NAPEPLD: variants seen among roughly 807,000 people sequenced by gnomAD.
NAPEPLD encodes N-acyl-phosphatidylethanolamine-hydrolyzing phospholipase D.
A neutral mutation model predicts 38.1 loss-of-function variants in NAPEPLD; 23 were observed. The observed-to-expected ratio is 0.60, with a 90% CI of 0.43 to 0.86. The LOEUF (loss-of-function observed/expected upper bound fraction) is 0.86, where lower values mean the gene tolerates loss of function less well. NAPEPLD is among the 40% of genes least tolerant of loss of function. The probability of loss-of-function intolerance (pLI) is 0.00; values close to 1 mark genes in which losing one functional copy is unlikely to be tolerated. For synonymous variants in NAPEPLD, 147 were observed against 162.0 expected (o/e 0.91, Z 0.71); for missense variants, 411 against 476.8 (o/e 0.86, Z 1.28).
chr7:103,125,276 G>A (rs1807524575), intron 2 of NAPEPLD, among the ~76,000 whole-genome samples: 1 of 152,126 alleles, frequency 6.6e-6, no homozygotes, highest in Non-Finnish European at 1.5e-5. Context: ...AATTATTGAT[G>A]CCAATGTTTG....
At chr7:103,141,379 A>G in intron 1 of NAPEPLD, 1 of 801,746 alleles carries the variant, frequency 1.2e-6, no homozygotes, top group Non-Finnish European at 2.3e-6. Context: ...CCTTGGACAA[A>G]GTCTTGATGA....
chr7:103,115,138 T>G lies in NAPEPLD; in HGVS notation c.978A>C (p.Glu326Asp). The G allele has an allele frequency of 6.2e-7, 1 of 1,613,986 alleles. No homozygotes were observed. The highest frequency in any genetic ancestry group is 8.5e-7 in the Non-Finnish European group (1 of 1,179,948). The stretch of plus-strand genomic sequence containing the variant: ...GGACATCAGTGTGAATCCTTACAGC[T>G]TCTTCTGGGTCTACATGCTGGTATT... The part of the protein sequence containing the change: ...FMKYQHVDPE[E>D]AVRIHTDVQT... Residue 326 changes from glutamate (E) to aspartate (D), a missense_variant, in exon 4 of 5, where the codon GAA (glutamate) becomes GAC (aspartate). Transcript: ENST00000465647.
chr7:103,109,695 AAG>A (rs755286256), intron 4 of NAPEPLD, among the ~76,000 whole-genome samples: 4 of 152,170 alleles, frequency 2.6e-5, no homozygotes, highest in Non-Finnish European at 4.4e-5. Flanking sequence ...CTAGAGAAGC[AAG>A]AGCAAACAAA....
chr7:103,148,634 T>G (rs1016886264), intron 1 of NAPEPLD, among the ~76,000 whole-genome samples, 177 bp downstream of exon 1: 1 of 151,530 alleles, frequency 6.6e-6, no homozygotes, highest in African/African-American at 2.4e-5. Flanking sequence ...CATTTTTTTT[T>G]TTGCTCTTCA....
intron 4 of NAPEPLD, among the ~76,000 whole-genome samples, chr7:103,106,747 C>T (rs1803454306): frequency 6.7e-6 from 1 of 149,704 alleles, no homozygotes; most frequent in African/African-American, 2.4e-5. Flanking sequence ...AAGGCAGCAC[C>T]CCAGTCAGGG....
intron 3 of NAPEPLD, among the ~76,000 whole-genome samples, chr7:103,118,669 AT>A (rs1806022672): frequency 6.6e-6 from 1 of 152,204 alleles, no homozygotes; most frequent in South Asian, 2.1e-4. Context: ...AAAATTATCC[AT>A]TGCTTTGTTA....
chr7:103,133,816 G>C (rs944076295), intron 1 of NAPEPLD, among the ~76,000 whole-genome samples: 1 of 152,196 alleles, frequency 6.6e-6, no homozygotes, highest in South Asian at 2.1e-4. Context: ...CCAACTGAAA[G>C]TAGATGTGTA....
intron 1 of NAPEPLD, among the ~76,000 whole-genome samples, chr7:103,138,301 G>A (rs920783665): frequency 1.3e-5 from 2 of 151,998 alleles, no homozygotes; most frequent in African/African-American, 4.8e-5. Context: ...TCATAATTAC[G>A]TATACAAAAA....
At position 103,148,136 on chromosome 7, in the gene NAPEPLD, C is replaced by T. The variant is rs117830922; in HGVS notation, c.-17+675G>A. On this transcript the variant is annotated intron_variant, in intron 1 of 4. Transcript: ENST00000465647. ...ATAGAAATGGAAATGTTAGAGATTT[C>T]CATTTTTTAACAAACATGGGAATTA... The T allele has an allele frequency of 7.3e-5, 71 of 977,428 alleles. 2 individuals are homozygous for T. The East Asian group carries it at 7.6e-3, about 105-fold the overall frequency. 60.5% of individuals were successfully genotyped at this position (977,428 alleles called of 1,614,324 possible).
intron 4 of NAPEPLD, among the ~76,000 whole-genome samples, chr7:103,112,970 A>G (rs191835002): frequency 6.6e-6 from 1 of 152,332 alleles, no homozygotes; most frequent in East Asian, 1.9e-4. Flanking sequence ...GAATAACACA[A>G]TAATTCTCAA....
intron 4 of NAPEPLD, among the ~76,000 whole-genome samples, chr7:103,104,537 A>C (rs1802918590): frequency 6.6e-6 from 1 of 152,216 alleles, no homozygotes; most frequent in Non-Finnish European, 1.5e-5. Context: ...TGTTGGCCAC[A>C]CACAGGTCAT....
chr7:103,111,133 T>G (rs1288350876), intron 4 of NAPEPLD, among the ~76,000 whole-genome samples: 2 of 152,154 alleles, frequency 1.3e-5, no homozygotes, highest in Non-Finnish European at 2.9e-5. Context: ...TGGAAAAACA[T>G]TCCATGCTCA....
At chr7:103,110,829 C>A (rs1318455125) in intron 4 of NAPEPLD, among the ~76,000 whole-genome samples, 1 of 152,154 alleles carries the variant, frequency 6.6e-6, no homozygotes, top group East Asian at 1.9e-4. Flanking sequence ...TTTAGAGAAA[C>A]CCATCATCTC....
chr7:103,147,201 A>G (rs1446502820), intron 1 of NAPEPLD, among the ~76,000 whole-genome samples: 1 of 152,256 alleles, frequency 6.6e-6, no homozygotes, highest in Non-Finnish European at 1.5e-5. Context: ...TTAGAATGAA[A>G]TATTACTTGA....
chr7:103,121,139 G>T (rs189353641), intron 2 of NAPEPLD, among the ~76,000 whole-genome samples: 11 of 152,164 alleles, frequency 7.2e-5, no homozygotes, highest in African/African-American at 2.6e-4. Context: ...TCAAACCAAC[G>T]TGAATATGAT....
chr7:103,111,271 T>C (rs1451115446), intron 4 of NAPEPLD, among the ~76,000 whole-genome samples: 2 of 152,126 alleles, frequency 1.3e-5, no homozygotes, highest in Admixed American at 6.6e-5. Context: ...TTAAATTTCA[T>C]ATGGAACAAA....
At position 103,119,608 on chromosome 7, in the gene NAPEPLD, C is replaced by G. The variant is rs868086774; in HGVS notation, c.910G>C (p.Ala304Pro). Reference protein sequence around the residue: ...IGKRFGPFDLAAIPIGAYEPR... With the variant: ...IGKRFGPFDLPAIPIGAYEPR... The stretch of plus-strand genomic sequence containing the variant: ...TCATAAGCTCCGATGGGAATAGCTG[C>G]AAGGTCAAAAGGTCCAAATCTTTTT... The change falls in exon 3 of 5, where the codon GCA (alanine) becomes CCA (proline). Residue 304 changes from alanine (A) to proline (P), a missense_variant. Coordinates refer to ENST00000465647, the MANE Select transcript of NAPEPLD (RefSeq NM_001122838.3). 1.9e-6 allele frequency: 3 copies of G among 1,614,046 alleles called. No individual in the cohort carries two copies. Among genetic ancestry groups the G allele is most frequent in the Non-Finnish European group, 2.5e-6 (3 of 1,180,014 alleles).
intron 1 of NAPEPLD, chr7:103,148,197 T>C: frequency 1.4e-6 from 1 of 708,974 alleles, no homozygotes; most frequent in Non-Finnish European, 1.7e-6. Flanking sequence ...CAGGAATGAC[T>C]TCCTGGACAA....
intron 1 of NAPEPLD, among the ~76,000 whole-genome samples, chr7:103,130,397 GAGAGTCTAACA>G (rs1808684835): frequency 6.6e-6 from 1 of 152,200 alleles, no homozygotes; most frequent in Admixed American, 6.5e-5. Flanking sequence ...AGAGTTAAGA[GAGAGTCTAACA>G]AGATTTATAC....
Sources: gnomAD v4.1 joint callset for allele counts (sites outside exome capture counted in the v4.1 genomes callset) on GRCh38, gnomAD v4.1.1 for gene constraint, MANE v1.5 for transcripts, NCBI Gene and HGNC (gene_info 2026-07-23, HGNC 2026-07-21) for gene names.